The following HIVEP3 variants were observed in gnomAD, a reference collection of about 807,000 sequenced individuals.
The protein encoded by HIVEP3 is HIVEP zinc finger 3.
HIVEP3 carries 49 observed loss-of-function variants against 152.8 expected under a neutral mutation model. The ratio of observed to expected loss-of-function variants is 0.32; its 90% CI spans 0.26 to 0.41. HIVEP3 has a LOEUF of 0.41. Among genes scored for constraint, HIVEP3 ranks in the 10% least tolerant of loss-of-function variants. The probability of loss-of-function intolerance (pLI) is 1.00; values close to 1 mark genes in which losing one functional copy is unlikely to be tolerated. For missense variants in HIVEP3, 2,790 were observed against 3,103.3 expected (o/e 0.90, Z 2.40); for synonymous variants, 1,269 against 1,289.0 (o/e 0.98, Z 0.33).
At chr1:41,770,817 C>G (rs1410246768) in intron 1 of HIVEP3, among the ~76,000 whole-genome samples, 2 of 151,734 alleles carry the variant, frequency 1.3e-5, no homozygotes, top group Admixed American at 1.3e-4. Context: ...TGGATTGGAT[C>G]CTGTTCCGGG....
At chr1:41,714,377 C>T (rs1646559251) in intron 1 of HIVEP3, among the ~76,000 whole-genome samples, 1 of 152,172 alleles carries the variant, frequency 6.6e-6, no homozygotes, top group Non-Finnish European at 1.5e-5. Context: ...GGTACCATGC[C>T]ACCTTCGCCT....
intron 1 of HIVEP3, among the ~76,000 whole-genome samples, chr1:41,835,126 G>A (rs532748169): frequency 2.6e-5 from 4 of 152,342 alleles, no homozygotes; most frequent in African/African-American, 9.6e-5. Context: ...CCAAGGAAAT[G>A]TAAGTACATT....
chr1:41,791,203 C>T (rs1254100242), intron 1 of HIVEP3, among the ~76,000 whole-genome samples: 3 of 151,844 alleles, frequency 2.0e-5, no homozygotes, highest in African/African-American at 2.4e-5. Flanking sequence ...GCTCACTGTT[C>T]CTTCAATAGC....
intron 5 of HIVEP3, chr1:41,536,003 C>T (rs1643389731): frequency 6.6e-6 from 1 of 152,140 alleles, no homozygotes; most frequent in South Asian, 2.1e-4. Flanking sequence ...AGCAGACCCA[C>T]AGCTTCTGCT....
At position 41,510,674 on chromosome 1, in the gene HIVEP3, T is replaced by C. The variant is rs140839222; in HGVS notation, c.6998A>G (p.Glu2333Gly). ...GGGGTTGGTCGGTGCACGCGGGGAC[T>C]CCAAGCGGGGGCTCCAGGACTGCGC... ...RAAQSWSPRL[E>G]SPRAPTNPEP... is the part of the protein sequence containing the mutation. The change falls in exon 9 of 9, where the codon GAG (glutamate) becomes GGG (glycine). Residue 2333 changes from glutamate to glycine, a missense_variant. By Grantham distance (98) the Glu-to-Gly change is moderately conservative (BLOSUM62 -2). Coordinates refer to ENST00000372583, the MANE Select transcript of HIVEP3 (RefSeq NM_024503.5). The C allele has an allele frequency of 0.034, 51,613 of 1,523,114 alleles. 1,227 individuals carry two copies. Among genetic ancestry groups the C allele is most frequent in the Middle Eastern group, 0.095 (479 of 5,066 alleles). 94.3% of individuals were successfully genotyped at this position (1,523,114 alleles called of 1,614,324 possible).
At chr1:41,739,597 C>T (rs1296071583) in intron 1 of HIVEP3, among the ~76,000 whole-genome samples, 1 of 152,202 alleles carries the variant, frequency 6.6e-6, no homozygotes, top group Non-Finnish European at 1.5e-5. Context: ...CTCTGCCTCT[C>T]TTGGAAGGAA....
At position 41,662,385 on chromosome 1, in the gene HIVEP3, G is replaced by T. The variant is rs1342117731; in HGVS notation, c.-720-33438C>A. The stretch of plus-strand genomic sequence containing the variant: ...CGGGCCGCCCCGCGGCCGCTTGGAA[G>T]CTCCTTATTTGGGCAGTGATGTCAG... On this transcript the variant is annotated intron_variant, in intron 2 of 8. Transcript: ENST00000372583. The surrounding 1 kb of genome is among the most constrained non-coding windows in gnomAD (Gnocchi z 7.2). 6.7e-6 allele frequency: 1 copy of T among 149,116 alleles called. No homozygotes were observed. The highest frequency in any genetic ancestry group is 2.4e-5 in the African/African-American group (1 of 41,106). 9.2% of individuals were successfully genotyped at this position (149,116 alleles called of 1,614,324 possible). A position where few individuals can be genotyped will look rare whatever the true frequency, so the allele number is the denominator to read the frequency against.
At chr1:41,688,094 T>C (rs1646139904) in intron 2 of HIVEP3, among the ~76,000 whole-genome samples, 1 of 152,204 alleles carries the variant, frequency 6.6e-6, no homozygotes, top group Non-Finnish European at 1.5e-5. Context: ...TTGTTGATAG[T>C]TCCTGACACC....
intron 1 of HIVEP3, among the ~76,000 whole-genome samples, chr1:41,966,977 G>A (rs774110714): frequency 6.6e-6 from 1 of 152,064 alleles, no homozygotes; most frequent in South Asian, 2.1e-4. Flanking sequence ...ATGGAAAAGG[G>A]TTCAATTCTA....
intron 1 of HIVEP3, among the ~76,000 whole-genome samples, chr1:41,970,612 T>C (rs1481195660): frequency 1.3e-5 from 2 of 152,192 alleles, no homozygotes; most frequent in Non-Finnish European, 2.9e-5. Flanking sequence ...GGTAATGGGT[T>C]GATAGGTGCA....
chr1:42,003,796 A>C (rs1645442604), intron 1 of HIVEP3, among the ~76,000 whole-genome samples: 1 of 152,158 alleles, frequency 6.6e-6, no homozygotes, highest in South Asian at 2.1e-4. Context: ...CAAAAAAAAA[A>C]AAAAGGCACT....
At chr1:41,527,233 C>CACTCCACACCCCGCCCTT (rs1642995759) in intron 5 of HIVEP3, among the ~76,000 whole-genome samples, 1 of 108,606 alleles carries the variant, frequency 9.2e-6, no homozygotes. Context: ...CTCACCCTCA[C>CACTCCACACCCCGCCCTT]ACACTCACCT....
intron 1 of HIVEP3, among the ~76,000 whole-genome samples, chr1:41,742,476 G>A (rs1036370727): frequency 2.0e-5 from 3 of 152,224 alleles, no homozygotes; most frequent in African/African-American, 7.2e-5. Flanking sequence ...CCCAGCATCT[G>A]GCTTGCTCGA....
chr1:42,019,641 C>A (rs555634419), intron 1 of HIVEP3, among the ~76,000 whole-genome samples: 2 of 151,874 alleles, frequency 1.3e-5, no homozygotes, highest in African/African-American at 2.4e-5. Context: ...TCTATAGATT[C>A]TTTTGGGTTT....
chr1:41,835,284 G>T (rs1023198463), intron 1 of HIVEP3, among the ~76,000 whole-genome samples: 7 of 152,154 alleles, frequency 4.6e-5, no homozygotes, highest in Non-Finnish European at 8.8e-5. Flanking sequence ...ACAAGTCCAA[G>T]ATCAAAGTCC....
At chr1:41,532,139 G>GGA (rs1192854204) in intron 5 of HIVEP3, among the ~76,000 whole-genome samples, 1 of 123,500 alleles carries the variant, frequency 8.1e-6, no homozygotes, top group African/African-American at 3.1e-5. Context: ...GATGGAGGCA[G>GGA]GAGAGATGGA....
At chr1:41,787,225 C>T (rs1342748701) in intron 1 of HIVEP3, among the ~76,000 whole-genome samples, 2 of 152,142 alleles carry the variant, frequency 1.3e-5, no homozygotes, top group Non-Finnish European at 1.5e-5. Flanking sequence ...GCATGCACTA[C>T]GCCGCAACAG....
At chr1:41,944,712 G>A (rs1316046817) in intron 1 of HIVEP3, among the ~76,000 whole-genome samples, 1 of 152,134 alleles carries the variant, frequency 6.6e-6, no homozygotes, top group Non-Finnish European at 1.5e-5. Context: ...TCACTAATCC[G>A]ATAAGCAGAG....
At chr1:41,924,485 A>G (rs1644957918) in intron 1 of HIVEP3, among the ~76,000 whole-genome samples, 1 of 152,168 alleles carries the variant, frequency 6.6e-6, no homozygotes, top group South Asian at 2.1e-4. Context: ...CTGCTAAATT[A>G]TTTATATATC....
Sources: allele counts gnomAD v4.1 joint callset (sites outside exome capture counted in the v4.1 genomes callset), GRCh38; gene constraint gnomAD v4.1.1; non-coding constraint Gnocchi (gnomAD v3.1); transcripts MANE v1.5; gene names NCBI Gene and HGNC (gene_info 2026-07-23, HGNC 2026-07-21).